Variants in ACACB observed in about 807,000 individuals in gnomAD.
ACACB encodes the protein acetyl-CoA carboxylase beta.
Under a neutral mutation model 278.8 loss-of-function variants are expected in ACACB, and 209 were observed. The observed-to-expected ratio is 0.75, with a 90% CI of 0.67 to 0.84. The LOEUF is 0.84. ACACB is among the 40% of genes least tolerant of loss of function. The pLI, the probability that ACACB is intolerant of heterozygous loss-of-function variation, is 0.00. For missense variants in ACACB, 2,850 were observed against 3,269.0 expected (o/e 0.87, Z 3.13); for synonymous variants, 1,174 against 1,285.6 (o/e 0.91, Z 1.86).
At position 109,246,371 on chromosome 12, in the gene ACACB, G is replaced by A; in HGVS notation, c.5494G>A (p.Gly1832Ser). ...IPKIYVAANS[G>S]ARIGMAEEIK... ...CAAAATTTACGTGGCAGCCAACAGTGGCGCCCGTATTGGCATGGCAGAGGA... is the reference window on the plus strand; with the variant it reads ...CAAAATTTACGTGGCAGCCAACAGTAGCGCCCGTATTGGCATGGCAGAGGA... The change falls in exon 39 of 53, where the codon GGC (glycine) becomes AGC (serine). Residue 1832 changes from glycine to serine, a missense_variant. By Grantham distance (56) the Gly-to-Ser change is moderately conservative. Around this residue, in one of 3 missense-constraint regions of ACACB, gnomAD observed 2,265 missense variants for 2,561.3 expected, o/e 0.88. Transcript: ENST00000338432. 1 of 1,613,480 alleles carries A rather than the reference G, an allele frequency of 6.2e-7. No individual in the cohort carries two copies. The highest frequency in any genetic ancestry group is 8.5e-7 in the Non-Finnish European group (1 of 1,179,936).
At chr12:109,204,075 T>C (rs2045419195) in intron 19 of ACACB, among the ~76,000 whole-genome samples, 1 of 152,100 alleles carries the variant, frequency 6.6e-6, no homozygotes, top group South Asian at 2.1e-4. Context: ...TACATGTTTA[T>C]GGGGGTACAT....
chr12:109,241,406 T>G (rs540912503), intron 36 of ACACB, 125 bp downstream of exon 36: 1 of 963,268 alleles, frequency 1.0e-6, no homozygotes, highest in East Asian at 2.4e-5. Flanking sequence ...CATTCTGGGT[T>G]GGGGTAGCCC....
At chr12:109,215,021 G>A (rs1018867738) in intron 22 of ACACB, among the ~76,000 whole-genome samples, 8 of 151,852 alleles carry the variant, frequency 5.3e-5, no homozygotes, top group Non-Finnish European at 1.2e-4. Flanking sequence ...GCTTGAGCCC[G>A]GGAGGCAGAG....
chr12:109,246,311 C>T lies in ACACB; in HGVS notation c.5434C>T (p.Arg1812Trp), dbSNP rs757735587. The T allele has an allele frequency of 1.7e-5, 28 of 1,611,878 alleles. No individual in the cohort carries two copies. Among genetic ancestry groups the T allele is most frequent in the African/African-American group, 1.3e-5 (1 of 74,082 alleles). The change falls in exon 39 of 53, where the codon CGG becomes TGG. Residue 1812 changes from arginine to tryptophan, a missense_variant. Coordinates refer to ENST00000338432, the MANE Select transcript of ACACB (RefSeq NM_001093.4). ...CCCTGGAGAGGACCTTCTGTACCTG[C>T]GGGCATCCGAGATGGCCCGGGCAGA... Reference protein sequence around the residue: ...FGPGEDLLYLRASEMARAEGI... With the variant: ...FGPGEDLLYLWASEMARAEGI...
chr12:109,174,749 A>G (rs1389812334), intron 7 of ACACB, among the ~76,000 whole-genome samples: 1 of 151,938 alleles, frequency 6.6e-6, no homozygotes. Context: ...GCATACCTGT[A>G]GTCCCAACTA....
rs975267392 is a variant in ACACB, at chr12:109,117,698, G to A, written c.-10+994G>A. ...TTAATATCAATGGGCATCCATATAG[G>A]TTGGGTGACCAACCATCCCACTTTG... On this transcript the variant is annotated intron_variant, in intron 1 of 52. Coordinates refer to ENST00000338432, the MANE Select transcript of ACACB (RefSeq NM_001093.4). 2.0e-5 allele frequency among the ~76,000 whole-genome samples: 3 copies of A among 152,200 alleles called. No homozygotes were observed. In the South Asian group the frequency reaches 6.2e-4, roughly 32 times the overall value.
At chr12:109,211,342 C>CTTTTTTTTT (rs35008047) in intron 21 of ACACB, among the ~76,000 whole-genome samples, 1 of 109,982 alleles carries the variant, frequency 9.1e-6, no homozygotes, top group African/African-American at 3.6e-5. Flanking sequence ...TGTGATTCCT[C>CTTTTTTTTT]TTTTTTTTTT....
intron 37 of ACACB, among the ~76,000 whole-genome samples, chr12:109,245,107 C>T (rs1022745183): frequency 4.7e-5 from 7 of 149,984 alleles, no homozygotes; most frequent in Admixed American, 3.3e-4. Context: ...ATCACTGAAT[C>T]CGGGAGGCAG....
rs918408111 is a variant in ACACB at position 109,222,717 on chromosome 12, G to A, written c.3679-82G>A. 2.0e-5 allele frequency: 30 copies of A among 1,525,508 alleles called. 1 individual carries two copies. The highest frequency in any genetic ancestry group is 3.4e-5 in the Admixed American group (2 of 58,552). 94.5% of individuals were successfully genotyped at this position (1,525,508 alleles called of 1,614,324 possible). On this transcript the variant is annotated intron_variant, in intron 25 of 52. Coordinates refer to ENST00000338432, the MANE Select transcript of ACACB (RefSeq NM_001093.4). Reference sequence around the variant, plus strand: ...AGCCCTCACCATGCACAGTCCCACCGTGCTGCCGGCCCGTGCCCGAGCCTC... The same window carrying A: ...AGCCCTCACCATGCACAGTCCCACCATGCTGCCGGCCCGTGCCCGAGCCTC...
At chr12:109,150,680 C>T (rs982587766) in intron 2 of ACACB, among the ~76,000 whole-genome samples, 1 of 152,160 alleles carries the variant, frequency 6.6e-6, no homozygotes, top group Non-Finnish European at 1.5e-5. Context: ...GGCATCGCCC[C>T]CACTTTCCCA....
intron 39 of ACACB, among the ~76,000 whole-genome samples, 166 bp from the exon 40 acceptor site, chr12:109,247,440 T>A (rs913954860): frequency 3.3e-5 from 5 of 152,176 alleles, no homozygotes; most frequent in Non-Finnish European, 7.3e-5. Flanking sequence ...CTTCAGTTTA[T>A]GGCTGTTATT....
At chr12:109,216,275 G>A (rs1208567986) in intron 22 of ACACB, among the ~76,000 whole-genome samples, 1 of 146,028 alleles carries the variant, frequency 6.8e-6, no homozygotes, top group African/African-American at 2.6e-5. Flanking sequence ...AGGCTGGAGT[G>A]CAGTGGTGCG....
intron 41 of ACACB, among the ~76,000 whole-genome samples, 182 bp downstream of exon 41, chr12:109,250,286 G>A (rs899316561): frequency 4.6e-5 from 7 of 152,034 alleles, no homozygotes; most frequent in African/African-American, 1.7e-4. Context: ...ACCTGTTTTA[G>A]AGTATTTTAA....
At chr12:109,177,825 A>G (rs2044328749) in intron 9 of ACACB, among the ~76,000 whole-genome samples, 1 of 152,160 alleles carries the variant, frequency 6.6e-6, no homozygotes, top group Admixed American at 6.6e-5. Flanking sequence ...TACAGATTTT[A>G]AAGCTTTTTT....
chr12:109,176,519 C>T (rs2044288703), intron 9 of ACACB, among the ~76,000 whole-genome samples: 1 of 152,130 alleles, frequency 6.6e-6, no homozygotes, highest in Non-Finnish European at 1.5e-5. Flanking sequence ...TTCAGAGATA[C>T]AGGATCAAAA....
chr12:109,216,543 A>T (rs1277705041), intron 22 of ACACB, 75 bp from the exon 23 acceptor site: 3 of 1,459,448 alleles, frequency 2.1e-6, no homozygotes, highest in Admixed American at 1.8e-5. Flanking sequence ...TTTAAAAATC[A>T]TAAAAAAAAA....
chr12:109,174,344 T>C, intron 7 of ACACB, 114 bp downstream of exon 7: 1 of 810,122 alleles, frequency 1.2e-6, no homozygotes, highest in East Asian at 3.1e-5. Context: ...CAAATGTTAC[T>C]TACTTTTATT....
chr12:109,168,816 T>C (rs1011673899), intron 4 of ACACB, among the ~76,000 whole-genome samples: 2 of 151,836 alleles, frequency 1.3e-5, no homozygotes, highest in Non-Finnish European at 2.9e-5. Context: ...ACTGAGACTC[T>C]GTCTCAAATA....
At chr12:109,150,442 G>A (rs1157046846) in intron 2 of ACACB, among the ~76,000 whole-genome samples, 1 of 152,190 alleles carries the variant, frequency 6.6e-6, no homozygotes, top group African/African-American at 2.4e-5. Flanking sequence ...CAGGTGAAGT[G>A]TCCCGATAAA....
Sources: allele counts gnomAD v4.1 joint callset (sites outside exome capture counted in the v4.1 genomes callset), GRCh38; gene constraint gnomAD v4.1.1; regional missense constraint gnomAD v4.1.1; transcripts MANE v1.5; gene names NCBI Gene and HGNC (gene_info 2026-07-23, HGNC 2026-07-21).